Variants in PPP6R2 observed in about 807,000 individuals in gnomAD.
The protein encoded by PPP6R2 is serine/threonine-protein phosphatase 6 regulatory subunit 2.
In PPP6R2, 62 loss-of-function variants were observed where a neutral mutation model predicts 100.2. The observed-to-expected ratio is 0.62, with a 90% CI of 0.50 to 0.76. The LOEUF is 0.76. Among genes scored for constraint, PPP6R2 ranks in the 30% least tolerant of loss-of-function variants. The pLI is 0.00. For synonymous variants in PPP6R2, 525 were observed against 514.7 expected (o/e 1.02, Z -0.27); for missense variants, 1,142 against 1,276.3 (o/e 0.89, Z 1.60).
At chr22:50,396,009 A>G (rs1477168498) in intron 3 of PPP6R2, among the ~76,000 whole-genome samples, 1 of 150,726 alleles carries the variant, frequency 6.6e-6, no homozygotes, top group Non-Finnish European at 1.5e-5. Context: ...AGCCTGGCCA[A>G]CATGGTGAAA....
chr22:50,416,304 G>C, intron 6 of PPP6R2, 147 bp downstream of exon 6: 1 of 640,598 alleles, frequency 1.6e-6, no homozygotes, highest in Non-Finnish European at 2.6e-6. Flanking sequence ...CTTTAATCAA[G>C]CACTGACTTC....
rs2063462552 is a variant in PPP6R2 at position 50,433,019 on chromosome 22, T to C, written c.1400+690T>C. On this transcript the variant is annotated intron_variant, in intron 12 of 23. Transcript: ENST00000612753. ...GGGACTTAGGCCACGCCACGGCCTT[T>C]CTGCCTCCATTTCCCTGTCTGTAAA... 2.6e-5 allele frequency among the ~76,000 whole-genome samples: 4 copies of C among 152,278 alleles called. No individual in the cohort carries two copies. The South Asian group carries it at 8.3e-4, about 31-fold the overall frequency.
chr22:50,343,248 G>T (rs1172162545), upstream of PPP6R2: 2 of 149,346 alleles, frequency 1.3e-5, no homozygotes, highest in South Asian at 1.9e-4. Context: ...CCGCCCACCC[G>T]CGCGGCCCCG....
intron 19 of PPP6R2, 88 bp downstream of exon 19, chr22:50,438,850 A>G: frequency 3.7e-6 from 5 of 1,345,898 alleles, no homozygotes; most frequent in Non-Finnish European, 5.0e-6. Context: ...CTTCATTTGG[A>G]GCTGAGGCAT....
intron 2 of PPP6R2, among the ~76,000 whole-genome samples, chr22:50,381,736 G>C (rs2053082306): frequency 6.6e-6 from 1 of 151,666 alleles, no homozygotes; most frequent in African/African-American, 2.4e-5. Flanking sequence ...GTGAAACCCC[G>C]TCTCTACTAA....
At chr22:50,342,539 G>C (rs1007108287), upstream of PPP6R2, among the ~76,000 whole-genome samples, 3 of 152,208 alleles carry the variant, frequency 2.0e-5, no homozygotes, top group African/African-American at 7.2e-5. Context: ...CCGAATATTT[G>C]AGCCGCCCAG....
intron 2 of PPP6R2, among the ~76,000 whole-genome samples, chr22:50,380,131 C>T (rs920545934): frequency 9.9e-5 from 15 of 152,044 alleles, no homozygotes; most frequent in African/African-American, 3.1e-4. Flanking sequence ...GCTGCTTCCG[C>T]TCATGGCAAA....
intron 12 of PPP6R2, among the ~76,000 whole-genome samples, chr22:50,433,668 A>G (rs1182109935): frequency 9.6e-5 from 1 of 10,384 alleles, no homozygotes; most frequent in Admixed American, 8.3e-4. Flanking sequence ...GGCCGGGGGC[A>G]TGGATGCTGG....
Position 50,438,312 on chromosome 22 carries a change from C to T in PPP6R2, c.1964+14C>T, listed in dbSNP as rs1387691287. Reference sequence around the variant, plus strand: ...GGCCAGACCCAGGTGCGGGGCCTGCCCATCCCCACAAAGCCTCTGCCGAGG... The same window carrying T: ...GGCCAGACCCAGGTGCGGGGCCTGCTCATCCCCACAAAGCCTCTGCCGAGG... On this transcript the variant is annotated intron_variant, in intron 18 of 23. Transcript: ENST00000612753. 6.2e-7 allele frequency: 1 copy of T among 1,606,658 alleles called. No homozygotes were observed. The highest frequency in any genetic ancestry group is 8.5e-7 in the Non-Finnish European group (1 of 1,176,904).
At chr22:50,399,943 G>C (rs1488172349) in intron 3 of PPP6R2, among the ~76,000 whole-genome samples, 1 of 152,256 alleles carries the variant, frequency 6.6e-6, no homozygotes, top group Non-Finnish European at 1.5e-5. Flanking sequence ...TGTCTAGTTT[G>C]CTTGCCAAGA....
At chr22:50,422,712 C>T (rs1436098915) in intron 9 of PPP6R2, among the ~76,000 whole-genome samples, 2 of 152,158 alleles carry the variant, frequency 1.3e-5, no homozygotes, top group African/African-American at 4.8e-5. Flanking sequence ...AGGCCCTTTG[C>T]CCTGCTCAGC....
chr22:50,348,571 A>G (rs2044273604), intron 1 of PPP6R2, among the ~76,000 whole-genome samples: 1 of 152,114 alleles, frequency 6.6e-6, no homozygotes, highest in Non-Finnish European at 1.5e-5. Flanking sequence ...GGGTGGTGTC[A>G]GGGCTGGGGG....
At chr22:50,355,515 C>T (rs1445541447) in intron 1 of PPP6R2, among the ~76,000 whole-genome samples, 1 of 148,288 alleles carries the variant, frequency 6.7e-6, no homozygotes, top group Non-Finnish European at 1.5e-5. Flanking sequence ...AAGCGTGAGC[C>T]ACTGCGCCCG....
At chr22:50,424,747 C>T (rs1240036151) in intron 10 of PPP6R2, among the ~76,000 whole-genome samples, 1 of 143,510 alleles carries the variant, frequency 7.0e-6, no homozygotes, top group East Asian at 2.4e-4. Flanking sequence ...AAGCGATTTT[C>T]CTGCCTCAGC....
upstream of PPP6R2, chr22:50,343,261 C>G (rs1047751995): frequency 2.0e-5 from 3 of 150,278 alleles, no homozygotes; most frequent in Non-Finnish European, 4.5e-5. Context: ...CGGCCCCGCC[C>G]CCGGCCGCGA....
At chr22:50,370,952 T>C (rs1304727645) in intron 1 of PPP6R2, among the ~76,000 whole-genome samples, 1 of 152,226 alleles carries the variant, frequency 6.6e-6, no homozygotes, top group Non-Finnish European at 1.5e-5. Flanking sequence ...GACCTATTTC[T>C]AAGAAACCCT....
chr22:50,337,290 G>A, the PPP6R2 span, among the ~76,000 whole-genome samples: 1 of 143,108 alleles, frequency 7.0e-6, no homozygotes, highest in African/African-American at 2.6e-5. Context: ...GTGGTGTGTG[G>A]TATGTGGGGG....
chr22:50,391,009 AAAAG>A (rs1001668535), intron 2 of PPP6R2, among the ~76,000 whole-genome samples: 7 of 151,374 alleles, frequency 4.6e-5, no homozygotes, highest in African/African-American at 1.2e-4. Flanking sequence ...AAAAAAAAAA[AAAAG>A]AAAAGAAATT....
At chr22:50,387,469 C>T (rs543112343) in intron 2 of PPP6R2, among the ~76,000 whole-genome samples, 5 of 152,148 alleles carry the variant, frequency 3.3e-5, no homozygotes, top group Admixed American at 6.6e-5. Context: ...GTGGACTATG[C>T]TCAGGATCGA....
Sources: gnomAD v4.1 joint callset for allele counts (sites outside exome capture counted in the v4.1 genomes callset) on GRCh38, gnomAD v4.1.1 for gene constraint, MANE v1.5 for transcripts, NCBI Gene and HGNC (gene_info 2026-07-23, HGNC 2026-07-21) for gene names.